Variants in PROM1 observed in about 807,000 individuals in gnomAD.
The protein encoded by PROM1 is prominin 1, also known as prominin-1.
A neutral mutation model predicts 116.9 loss-of-function variants in PROM1; 105 were observed. That is an observed-to-expected ratio of 0.90 (90% CI 0.77 to 1.06). PROM1 has a LOEUF of 1.06. Ranked by LOEUF, PROM1 falls within the 50% of genes least tolerant of loss-of-function variation. The pLI, the probability that PROM1 is intolerant of heterozygous loss-of-function variation, is 0.00. For missense variants in PROM1, 1,122 were observed against 1,045.2 expected (o/e 1.07, Z -1.01); for synonymous variants, 393 against 387.0 (o/e 1.02, Z -0.18).
At chr4:16,013,190 A>C (rs1727359376) in intron 11 of PROM1, 85 bp downstream of exon 11, 1 of 1,058,060 alleles carries the variant, frequency 9.5e-7, no homozygotes, top group Non-Finnish European at 1.4e-6. Flanking sequence ...TTTTTTTAAG[A>C]GGAAAAGAAC....
chr4:15,993,317 G>A (rs2240682), intron 16 of PROM1, among the ~76,000 whole-genome samples: 40,094 of 152,054 alleles, frequency 0.26, 5,397 homozygotes, highest in Admixed American at 0.34. Flanking sequence ...CAGAAAGTCA[G>A]AAGAGGCCTC....
chr4:16,051,031 G>A (rs751371982), intron 2 of PROM1, among the ~76,000 whole-genome samples: 2 of 152,182 alleles, frequency 1.3e-5, no homozygotes, highest in African/African-American at 2.4e-5. Flanking sequence ...GGCATATAAG[G>A]CTCAGCATCA....
intron 25 of PROM1, 127 bp downstream of exon 25, chr4:15,979,754 G>T: frequency 1.0e-6 from 1 of 986,434 alleles, no homozygotes; most frequent in Non-Finnish European, 1.5e-6. Context: ...ATTTATTTTT[G>T]CCTGTACAGA....
intron 10 of PROM1, among the ~76,000 whole-genome samples, chr4:16,015,066 C>G (rs1321879838): frequency 6.8e-6 from 1 of 148,022 alleles, no homozygotes; most frequent in East Asian, 2.0e-4. Flanking sequence ...GATATATGGA[C>G]CGGGCGTGAC....
chr4:15,985,989 T>C lies in PROM1; in HGVS notation c.2179A>G (p.Ile727Val). 2 of 1,387,990 alleles carry C rather than the reference T, an allele frequency of 1.4e-6. No individual in the cohort carries two copies. The highest frequency in any genetic ancestry group is 2.9e-5 in the East Asian group (1 of 34,144). 86.0% of individuals were successfully genotyped at this position (1,387,990 alleles called of 1,614,324 possible). The change falls in exon 21 of 28, where the codon ATC becomes GTC. Residue 727 changes from isoleucine (I) to valine (V), a missense_variant. Physicochemically the swap from Ile to Val is conservative, Grantham distance 29. Coordinates refer to ENST00000447510, the MANE Select transcript of PROM1 (RefSeq NM_006017.3). ...ATAACAGAGGAAGTATTGTTTGTGA[T>C]GAAGTTCTGAGCAAAATCCAGAGAA... ...LASLDFAQNF[I>V]TNNTSSVIIE... is the part of the protein sequence containing the mutation.
In PROM1 at chr4:15,991,245, G is replaced by C. The variant is rs775428045; in HGVS notation, c.1960C>G (p.Leu654Val). 50 of 1,607,726 alleles carry C rather than the reference G, an allele frequency of 3.1e-5. No individual in the cohort carries two copies. The highest frequency in any genetic ancestry group is 4.1e-5 in the Non-Finnish European group (48 of 1,177,792). Residue 654 changes from leucine to valine, a missense_variant, in exon 18 of 28, where the codon CTA (leucine) becomes GTA (valine). Coordinates refer to ENST00000447510, the MANE Select transcript of PROM1 (RefSeq NM_006017.3). ...GVNLLSFAYD[L>V]EAKANSLPPG... The stretch of plus-strand genomic sequence containing the variant: ...ACCAAACTGTTTGCTTTTGCTTCTA[G>C]ATCATATGCAAATGATAAAAGATTC...
chr4:16,022,898 T>C (rs1405376258), intron 8 of PROM1, among the ~76,000 whole-genome samples: 1 of 152,194 alleles, frequency 6.6e-6, no homozygotes, highest in Non-Finnish European at 1.5e-5. Flanking sequence ...TTCCTCGTCT[T>C]CTGTATCAGG....
chr4:15,988,707 TA>T (rs981503293), intron 19 of PROM1, among the ~76,000 whole-genome samples: 43 of 152,050 alleles, frequency 2.8e-4, no homozygotes, highest in African/African-American at 9.9e-4. Flanking sequence ...AAAAAGCATT[TA>T]AAAAAATGCA....
intron 8 of PROM1, among the ~76,000 whole-genome samples, chr4:16,020,526 G>C (rs1729583829): frequency 6.6e-6 from 1 of 152,066 alleles, no homozygotes; most frequent in African/African-American, 2.4e-5. Context: ...GAAATACACA[G>C]AAATACTCAG....
At chr4:16,081,541 A>G (rs1234545398) in intron 1 of PROM1, among the ~76,000 whole-genome samples, 2 of 152,208 alleles carry the variant, frequency 1.3e-5, no homozygotes, top group Non-Finnish European at 2.9e-5. Flanking sequence ...TAATTAAACT[A>G]AAGAGCTTCT....
intron 2 of PROM1, among the ~76,000 whole-genome samples, chr4:16,052,160 A>G (rs1328938263): frequency 6.6e-6 from 1 of 152,186 alleles, no homozygotes; most frequent in Non-Finnish European, 1.5e-5. Flanking sequence ...GCTGAGCCTG[A>G]ACGCTCGTGA....
intron 11 of PROM1, among the ~76,000 whole-genome samples, chr4:16,012,117 C>T (rs1010678946): frequency 6.6e-6 from 1 of 152,282 alleles, no homozygotes; most frequent in South Asian, 2.1e-4. Flanking sequence ...CTGCCTCAGC[C>T]TCCCGAGTAG....
At chr4:15,978,347 C>G (rs1716777172) in intron 26 of PROM1, among the ~76,000 whole-genome samples, 1 of 152,186 alleles carries the variant, frequency 6.6e-6, no homozygotes, top group Non-Finnish European at 1.5e-5. Flanking sequence ...AGCCATTTAC[C>G]TCTTGAAAGG....
chr4:16,013,457 T>G (rs561293111), intron 10 of PROM1, 119 bp from the exon 11 acceptor site: 72 of 692,288 alleles, frequency 1.0e-4, no homozygotes, highest in African/African-American at 9.4e-4. Flanking sequence ...ACATTCATCT[T>G]AAGGGTGAAA....
Position 16,006,532 on chromosome 4 carries a change from A to T in PROM1, c.1454+6T>A. The T allele has an allele frequency of 6.3e-7, 1 of 1,582,440 alleles. No individual in the cohort carries two copies. The highest frequency in any genetic ancestry group is 8.6e-7 in the Non-Finnish European group (1 of 1,165,092). On this transcript the variant is annotated splice_donor_region_variant and intron_variant, in intron 13 of 27. Coordinates refer to ENST00000447510, the MANE Select transcript of PROM1 (RefSeq NM_006017.3). ...TCCCACATGACAGAGAGGAGCAGACACTCACACCATGAGGAAGACGCCTCC... is the reference window on the plus strand; with the variant it reads ...TCCCACATGACAGAGAGGAGCAGACTCTCACACCATGAGGAAGACGCCTCC...
Position 16,013,175 on chromosome 4 carries a change from A to C in PROM1, c.1141+100T>G, listed in dbSNP as rs1727355287. ...TTTAGTTTTGACAGCTTTAATGAGAAACTGTTTTTTTAAGAGGAAAAGAAC... is the reference window on the plus strand; with the variant it reads ...TTTAGTTTTGACAGCTTTAATGAGACACTGTTTTTTTAAGAGGAAAAGAAC... On this transcript the variant is annotated intron_variant, in intron 11 of 27. Coordinates refer to ENST00000447510, the MANE Select transcript of PROM1 (RefSeq NM_006017.3). 4 of 933,972 alleles carry C rather than the reference A, an allele frequency of 4.3e-6. No individual in the cohort carries two copies. The South Asian group carries it at 6.5e-5, about 15-fold the overall frequency. 57.9% of individuals were successfully genotyped at this position (933,972 alleles called of 1,614,324 possible). A position where few individuals can be genotyped will look rare whatever the true frequency, so the allele number is the denominator to read the frequency against.
chr4:15,974,880 C>G (rs931358940), intron 26 of PROM1, among the ~76,000 whole-genome samples: 10 of 152,200 alleles, frequency 6.6e-5, no homozygotes, highest in African/African-American at 2.2e-4. Context: ...TGGCGATAAA[C>G]ACTGGGGGAA....
At chr4:15,986,555 C>A (rs1365086187) in intron 20 of PROM1, among the ~76,000 whole-genome samples, 1 of 152,160 alleles carries the variant, frequency 6.6e-6, no homozygotes, top group African/African-American at 2.4e-5. Context: ...AGCCTGGCAA[C>A]TCAGTCAATG....
chr4:16,048,667 C>T (rs769963955), intron 2 of PROM1, among the ~76,000 whole-genome samples: 61 of 152,010 alleles, frequency 4.0e-4, no homozygotes, highest in Non-Finnish European at 6.0e-4. Context: ...TGGCTTCTCC[C>T]TGCAGGACTG....
Sources: allele counts gnomAD v4.1 joint callset (sites outside exome capture counted in the v4.1 genomes callset), GRCh38; gene constraint gnomAD v4.1.1; transcripts MANE v1.5; gene names NCBI Gene and HGNC (gene_info 2026-07-23, HGNC 2026-07-21).